KIF16B: variants seen among roughly 807,000 people sequenced by gnomAD.
KIF16B encodes the protein kinesin-like protein KIF16B.
A neutral mutation model predicts 156.3 loss-of-function variants in KIF16B; 98 were observed. The ratio of observed to expected loss-of-function variants is 0.63; its 90% confidence interval spans 0.53 to 0.74. The LOEUF (loss-of-function observed/expected upper bound fraction) is 0.74, where lower values mean the gene tolerates loss of function less well. Among genes scored for constraint, KIF16B ranks in the 30% least tolerant of loss-of-function variants. The pLI is 0.00. For missense variants in KIF16B, 1,421 were observed against 1,606.5 expected, an observed-to-expected ratio of 0.88 and a Z score of 1.97; for synonymous variants, 564 against 583.7, an observed-to-expected ratio of 0.97 and a Z score of 0.49.
intron 1 of KIF16B, among the ~76,000 whole-genome samples, chr20:16,537,709 T>TTTG (rs1555797085): frequency 1.4e-5 from 2 of 145,514 alleles, no homozygotes; most frequent in Non-Finnish European, 3.0e-5. Flanking sequence ...TTTTCGTTTT[T>TTTG]TTTTTTTTTT....
chr20:16,339,406 C>G (rs2064101364), intron 23 of KIF16B, among the ~76,000 whole-genome samples: 1 of 152,148 alleles, frequency 6.6e-6, no homozygotes, highest in Non-Finnish European at 1.5e-5. Flanking sequence ...ATCGAGTCCT[C>G]CAGGGCTCAA....
In KIF16B at chr20:16,499,946, G is replaced by A. The variant is rs79571784; in HGVS notation, c.1177-2268C>T. Among the ~76,000 whole-genome samples, 1,466 of 152,204 alleles carry A rather than the reference G, an allele frequency of 9.6e-3. 35 individuals are homozygous for A. Among genetic ancestry groups the A allele is most frequent in the African/African-American group, 0.033 (1,385 of 41,520 alleles). On this transcript the variant is annotated intron_variant, in intron 10 of 25. Coordinates refer to ENST00000354981, the MANE Select transcript of KIF16B (RefSeq NM_024704.5). ...AATAATAATCAGATTAAGTTCATAC[G>A]TTGTTAAATCAAAAGTAACACTACC...
intron 12 of KIF16B, among the ~76,000 whole-genome samples, chr20:16,462,396 A>G (rs1029227870): frequency 3.3e-5 from 5 of 152,192 alleles, no homozygotes; most frequent in Non-Finnish European, 7.3e-5. Context: ...ACTGCTACCC[A>G]TGCTAAATTT....
chr20:16,501,293 AATTGAATT>A, intron 10 of KIF16B, among the ~76,000 whole-genome samples: 1 of 88,506 alleles, frequency 1.1e-5, no homozygotes. Flanking sequence ...CAATACCAAG[AATTGAATT>A]CTTGGTTCAA....
At chr20:16,478,516 C>T (rs1335317266) in intron 12 of KIF16B, among the ~76,000 whole-genome samples, 1 of 152,116 alleles carries the variant, frequency 6.6e-6, no homozygotes, top group African/African-American at 2.4e-5. Flanking sequence ...TAGGCAGAAA[C>T]AATTCAAAAG....
Position 16,505,772 on chromosome 20 carries a change from C to G in KIF16B, c.950G>C (p.Trp317Ser). The G allele has an allele frequency of 6.2e-7, 1 of 1,613,656 alleles. No individual in the cohort carries two copies. The highest frequency in any genetic ancestry group is 8.5e-7 in the Non-Finnish European group (1 of 1,179,696). The change falls in exon 9 of 26, where the codon TGG becomes TCG. Residue 317 changes from tryptophan to serine, a missense_variant. Transcript: ENST00000354981. ...TCCTCCAAGGCTATCTTTTAACAACCAAGTCAACACAGAATCCCTGTAAGG... is the reference window on the plus strand; with the variant it reads ...TCCTCCAAGGCTATCTTTTAACAACGAAGTCAACACAGAATCCCTGTAAGG... ...FVPYRDSVLT[W>S]LLKDSLGGNS...
chr20:16,455,334 C>G (rs529822487), intron 12 of KIF16B, among the ~76,000 whole-genome samples: 1 of 151,286 alleles, frequency 6.6e-6, no homozygotes, highest in Admixed American at 6.6e-5. Flanking sequence ...GTATGAGCCA[C>G]TGCACCTGGC....
At chr20:16,456,739 C>T (rs147358090) in intron 12 of KIF16B, among the ~76,000 whole-genome samples, 2 of 152,242 alleles carry the variant, frequency 1.3e-5, no homozygotes, top group African/African-American at 4.8e-5. Flanking sequence ...CACTCTCCCT[C>T]CCCCGAACCA....
intron 22 of KIF16B, chr20:16,366,837 AAAAC>A (rs1044069353): frequency 2.4e-5 from 26 of 1,076,772 alleles, no homozygotes; most frequent in Non-Finnish European, 2.8e-5. Flanking sequence ...AATCGACACG[AAAAC>A]AAACAATCAG....
chr20:16,479,970 T>C (rs1439326262), intron 12 of KIF16B, among the ~76,000 whole-genome samples: 1 of 152,226 alleles, frequency 6.6e-6, no homozygotes, highest in East Asian at 1.9e-4. Context: ...GACCTCAGGC[T>C]AGACGTCTCC....
intron 1 of KIF16B, among the ~76,000 whole-genome samples, chr20:16,557,088 CTA>C (rs1186976154): frequency 6.7e-6 from 1 of 148,804 alleles, no homozygotes; most frequent in Admixed American, 6.7e-5. Flanking sequence ...CTCATTAATA[CTA>C]TATATAGTAT....
chr20:16,453,680 A>G (rs887703717), intron 12 of KIF16B, among the ~76,000 whole-genome samples: 1 of 152,216 alleles, frequency 6.6e-6, no homozygotes, highest in Non-Finnish European at 1.5e-5. Context: ...AAGGAAATGT[A>G]ATTAATCGGC....
At position 16,505,812 on chromosome 20, in the gene KIF16B, T is replaced by G. The variant is rs2147010477; in HGVS notation, c.910A>C (p.Lys304Gln). The G allele has an allele frequency of 3.1e-6, 5 of 1,614,004 alleles. No individual in the cohort carries two copies. Among genetic ancestry groups the G allele is most frequent in the South Asian group, 2.2e-5 (2 of 91,070 alleles). The change falls in exon 9 of 26, where the codon AAG becomes CAG. Residue 304 changes from lysine to glutamine, a missense_variant. Transcript: ENST00000354981. ...TCCCTGTAAGGCACGAAAACTTGCT[T>G]CTTCTTTGCAAGAGTATTTGCAGCA... ...QDAANTLAKKKQVFVPYRDSV... is the reference protein window; with the variant it reads ...QDAANTLAKKQQVFVPYRDSV...
intron 12 of KIF16B, among the ~76,000 whole-genome samples, chr20:16,434,984 G>T (rs2066606325): frequency 6.6e-6 from 1 of 151,822 alleles, no homozygotes; most frequent in African/African-American, 2.4e-5. Context: ...TAGCCAGAAA[G>T]ACGTTGAAAA....
intron 12 of KIF16B, among the ~76,000 whole-genome samples, chr20:16,490,249 A>G (rs556882356): frequency 3.3e-5 from 5 of 152,266 alleles, no homozygotes; most frequent in African/African-American, 1.2e-4. Flanking sequence ...ATCCAATCTG[A>G]CTGGTGTCCT....
At chr20:16,353,706 T>A (rs1272058388) in intron 23 of KIF16B, among the ~76,000 whole-genome samples, 1 of 152,212 alleles carries the variant, frequency 6.6e-6, no homozygotes. Context: ...ATTTAGCAGC[T>A]ACCTCTTTGC....
chr20:16,281,540 T>C (rs2063146351), intron 25 of KIF16B, among the ~76,000 whole-genome samples: 1 of 152,180 alleles, frequency 6.6e-6, no homozygotes, highest in Non-Finnish European at 1.5e-5. Context: ...TAAACTCCCA[T>C]AAATTCAAGT....
chr20:16,353,586 G>A (rs756381743), intron 23 of KIF16B, among the ~76,000 whole-genome samples: 3 of 152,126 alleles, frequency 2.0e-5, no homozygotes, highest in Non-Finnish European at 2.9e-5. Context: ...ATGAGGGGGG[G>A]GTTTATGATT....
At chr20:16,436,420 A>C (rs778083154) in intron 12 of KIF16B, among the ~76,000 whole-genome samples, 7 of 152,170 alleles carry the variant, frequency 4.6e-5, no homozygotes, top group Non-Finnish European at 7.3e-5. Context: ...AAGGGGCAGG[A>C]TGCCCTCGAG....
Sources: allele counts gnomAD v4.1 joint callset (sites outside exome capture counted in the v4.1 genomes callset), GRCh38; gene constraint gnomAD v4.1.1; transcripts MANE v1.5; gene names NCBI Gene and HGNC (gene_info 2026-07-23, HGNC 2026-07-21).